The following GXYLT2 variants were observed in gnomAD, a reference collection of about 807,000 sequenced individuals.
GXYLT2 encodes the protein glycosyltransferase 8 domain containing 4.
GXYLT2 carries 53 observed loss-of-function variants against 45.8 expected under a neutral mutation model. That is an observed-to-expected ratio of 1.16 (90% CI 0.93 to 1.46). The LOEUF (loss-of-function observed/expected upper bound fraction) is 1.46, where lower values mean the gene tolerates loss of function less well. Among genes scored for constraint, GXYLT2 ranks in the 40% most tolerant of loss-of-function variants. The pLI, the probability that GXYLT2 is intolerant of heterozygous loss-of-function variation, is 0.00. For synonymous variants in GXYLT2, 219 were observed against 214.2 expected (o/e 1.02, Z -0.19); for missense variants, 551 against 544.4 (o/e 1.01, Z -0.12).
At chr3:72,955,539 G>A (rs1287371556) in intron 4 of GXYLT2, among the ~76,000 whole-genome samples, 190 bp downstream of exon 4, 2 of 152,118 alleles carry the variant, frequency 1.3e-5, no homozygotes, top group East Asian at 3.9e-4. Flanking sequence ...AGATGGCAAT[G>A]GAATTTAAAG....
At chr3:72,973,560 A>G (rs1474217454) in intron 6 of GXYLT2, among the ~76,000 whole-genome samples, 7 of 152,250 alleles carry the variant, frequency 4.6e-5, no homozygotes, top group Non-Finnish European at 8.8e-5. Flanking sequence ...GTGAAAACAC[A>G]AAGGCTATTT....
At chr3:72,964,100 A>G (rs1710816479) in intron 5 of GXYLT2, among the ~76,000 whole-genome samples, 1 of 151,796 alleles carries the variant, frequency 6.6e-6, no homozygotes, top group Non-Finnish European at 1.5e-5. Context: ...ATGAGCCACC[A>G]TGCCCGGCCT....
At chr3:72,972,954 G>A (rs942163636) in intron 6 of GXYLT2, among the ~76,000 whole-genome samples, 1 of 151,918 alleles carries the variant, frequency 6.6e-6, no homozygotes, top group African/African-American at 2.4e-5. Context: ...AGTAACAACT[G>A]GGCGTCATGG....
chr3:72,888,093 C>G lies in GXYLT2; in HGVS notation c.-141C>G. 4.9e-6 allele frequency: 2 copies of G among 411,426 alleles called. No homozygotes were observed. Among genetic ancestry groups the G allele is most frequent in the Non-Finnish European group, 6.5e-6 (2 of 307,636 alleles). 25.5% of individuals were successfully genotyped at this position (411,426 alleles called of 1,614,324 possible). A position where few individuals can be genotyped will look rare whatever the true frequency, so the allele number is the denominator to read the frequency against. On this transcript the variant is annotated 5_prime_UTR_variant, in exon 1 of 7. Transcript: ENST00000389617. ...TCGCCGTCGCCGCCGCCGCCGGCCG[C>G]CCGCCGGCCGCCACGACCCCAGTCC...
intron 5 of GXYLT2, among the ~76,000 whole-genome samples, chr3:72,959,106 C>CTTTA (rs1710714725): frequency 1.7e-5 from 1 of 59,992 alleles, no homozygotes; most frequent in Admixed American, 2.3e-4. Flanking sequence ...CCACACCCAG[C>CTTTA]TTTTTTTTTT....
Position 72,975,546 on chromosome 3 carries a change from C to T in GXYLT2, c.*387C>T. The T allele has an allele frequency of 6.1e-6, 1 of 163,028 alleles. No individual in the cohort carries two copies. Among genetic ancestry groups the T allele is most frequent in the Non-Finnish European group, 1.3e-5 (1 of 75,696 alleles). The allele number at this position is 163,028 out of a possible 1,614,324, so 10.1% of individuals were successfully genotyped here. A position where few individuals can be genotyped will look rare whatever the true frequency, so the allele number is the denominator to read the frequency against. On this transcript the variant is annotated 3_prime_UTR_variant, in exon 7 of 7. Coordinates refer to ENST00000389617, the MANE Select transcript of GXYLT2 (RefSeq NM_001080393.2). ...TTTCTATGCAACTGACTCCCCCACA[C>T]CCGTGTTATAAAAGTAATACACACT...
chr3:72,932,012 A>G (rs759441051), intron 3 of GXYLT2, among the ~76,000 whole-genome samples: 5 of 152,334 alleles, frequency 3.3e-5, no homozygotes, highest in East Asian at 1.9e-4. Context: ...TTGTATTTCA[A>G]TCAATTAGGT....
At chr3:72,923,404 G>T (rs1709865268) in intron 3 of GXYLT2, among the ~76,000 whole-genome samples, 1 of 152,062 alleles carries the variant, frequency 6.6e-6, no homozygotes, top group African/African-American at 2.4e-5. Flanking sequence ...GACAGACTGA[G>T]ACCGTGTCTC....
chr3:72,925,354 C>T (rs1260315475), intron 3 of GXYLT2, among the ~76,000 whole-genome samples: 1 of 152,040 alleles, frequency 6.6e-6, no homozygotes, highest in Non-Finnish European at 1.5e-5. Flanking sequence ...CAGGGTTTCA[C>T]CATGTTGGTC....
chr3:72,974,868 C>T (rs1711062086), intron 6 of GXYLT2, 109 bp from the exon 7 acceptor site: 1 of 807,444 alleles, frequency 1.2e-6, no homozygotes, highest in Admixed American at 2.7e-5. Flanking sequence ...TTGTCCAAAC[C>T]TGTGCCTGTG....
At chr3:72,952,488 A>C (rs931246736) in intron 3 of GXYLT2, among the ~76,000 whole-genome samples, 2 of 152,098 alleles carry the variant, frequency 1.3e-5, no homozygotes, top group Admixed American at 1.3e-4. Flanking sequence ...TGTAGCACCC[A>C]TGTTCATCAG....
chr3:72,929,548 AAT>A, intron 3 of GXYLT2: 1 of 1,169,110 alleles, frequency 8.6e-7, no homozygotes. Flanking sequence ...GGCTCGGCAG[AAT>A]ATCTCTTTGA....
chr3:72,957,172 A>C, intron 4 of GXYLT2, 57 bp from the exon 5 acceptor site: 1 of 1,543,570 alleles, frequency 6.5e-7, no homozygotes, highest in Non-Finnish European at 8.7e-7. Context: ...ATTGTTTCTC[A>C]GTGGACAAAA....
intron 3 of GXYLT2, among the ~76,000 whole-genome samples, chr3:72,945,281 C>G (rs1710382297): frequency 7.3e-6 from 1 of 136,302 alleles, no homozygotes; most frequent in South Asian, 2.5e-4. Flanking sequence ...GAGCAAGACT[C>G]CATCTCAAAA....
At chr3:72,940,678 T>TTTTG (rs937541979) in intron 3 of GXYLT2, among the ~76,000 whole-genome samples, 7 of 152,272 alleles carry the variant, frequency 4.6e-5, no homozygotes, top group East Asian at 1.9e-4. Flanking sequence ...ACAACTCGTG[T>TTTTG]TTTGTTTGTT....
intron 5 of GXYLT2, among the ~76,000 whole-genome samples, chr3:72,958,461 C>A (rs1033480773): frequency 6.6e-6 from 1 of 151,444 alleles, no homozygotes. Flanking sequence ...ATATTGTGTA[C>A]CTTTTTAAAA....
chr3:72,925,149 T>A (rs1233362444), intron 3 of GXYLT2, among the ~76,000 whole-genome samples: 2 of 147,448 alleles, frequency 1.4e-5, no homozygotes, highest in Non-Finnish European at 2.9e-5. Context: ...CATCTATTTT[T>A]CTTTTTCTTT....
At chr3:72,948,213 A>G (rs907387036) in intron 3 of GXYLT2, among the ~76,000 whole-genome samples, 1 of 152,184 alleles carries the variant, frequency 6.6e-6, no homozygotes, top group Non-Finnish European at 1.5e-5. Flanking sequence ...CGTGAAAACC[A>G]GTGAGGATAT....
At chr3:72,925,119 A>G (rs1450850028) in intron 3 of GXYLT2, among the ~76,000 whole-genome samples, 2 of 151,648 alleles carry the variant, frequency 1.3e-5, no homozygotes. Context: ...CAGCTGCCCA[A>G]GCTCACTTGC....
Sources: allele counts gnomAD v4.1 joint callset (sites outside exome capture counted in the v4.1 genomes callset), GRCh38; gene constraint gnomAD v4.1.1; transcripts MANE v1.5; gene names NCBI Gene and HGNC (gene_info 2026-07-23, HGNC 2026-07-21).